The following TENM2 variants were observed in gnomAD, a reference collection of about 807,000 sequenced individuals.
TENM2 encodes teneurin transmembrane protein 2.
Under a neutral mutation model 245.2 loss-of-function variants are expected in TENM2, and 52 were observed. That is an observed-to-expected ratio of 0.21 (90% confidence interval 0.17 to 0.27). The LOEUF (loss-of-function observed/expected upper bound fraction) is 0.27, where lower values mean the gene tolerates loss of function less well. Among genes scored for constraint, TENM2 ranks in the 10% least tolerant of loss-of-function variants. The pLI, the probability that TENM2 is intolerant of heterozygous loss-of-function variation, is 1.00. For synonymous variants in TENM2, 1,363 were observed against 1,438.9 expected, an observed-to-expected ratio of 0.95 and a Z score of 1.19; for missense variants, 3,046 against 3,666.8, an observed-to-expected ratio of 0.83 and a Z score of 4.37.
intron 2 of TENM2, among the ~76,000 whole-genome samples, chr5:167,397,930 CA>C (rs1210340588): frequency 5.9e-5 from 9 of 152,112 alleles, no homozygotes; most frequent in African/African-American, 1.7e-4. Flanking sequence ...TGCCTATGAC[CA>C]TAGTCTTGTT....
At chr5:168,161,428 C>T (rs1411498192) in intron 12 of TENM2, among the ~76,000 whole-genome samples, 3 of 152,132 alleles carry the variant, frequency 2.0e-5, no homozygotes, top group Admixed American at 6.5e-5. Context: ...CCCAAGTGCA[C>T]AACTCTGCAA....
intron 2 of TENM2, among the ~76,000 whole-genome samples, chr5:167,588,981 C>A (rs888084022): frequency 6.6e-6 from 1 of 151,986 alleles, no homozygotes; most frequent in Admixed American, 6.6e-5. Context: ...TGGGCGGATC[C>A]CTTAAGGTCA....
At chr5:167,801,006 C>T (rs1487288931) in intron 2 of TENM2, among the ~76,000 whole-genome samples, 1 of 150,454 alleles carries the variant, frequency 6.6e-6, no homozygotes, top group African/African-American at 2.4e-5. Flanking sequence ...AAGAACAACG[C>T]TCTCATTCCA....
chr5:167,222,328 C>T, the TENM2 span, among the ~76,000 whole-genome samples: 2 of 152,146 alleles, frequency 1.3e-5, no homozygotes, highest in South Asian at 2.1e-4. Flanking sequence ...TTATCCAAAA[C>T]GCAATGGTCA....
At chr5:167,034,648 AAAAAAG>A in the TENM2 span, among the ~76,000 whole-genome samples, 1 of 150,490 alleles carries the variant, frequency 6.6e-6, no homozygotes, top group Admixed American at 6.6e-5. Context: ...AAAAAAAAAA[AAAAAAG>A]AAAATATTTT....
chr5:167,668,037 G>C (rs1755686845), intron 2 of TENM2, among the ~76,000 whole-genome samples: 1 of 151,988 alleles, frequency 6.6e-6, no homozygotes, highest in South Asian at 2.1e-4. Context: ...TCTTTCATTG[G>C]CCCTTGATGG....
chr5:168,061,699 A>T (rs1245067788), intron 6 of TENM2, among the ~76,000 whole-genome samples: 1 of 152,158 alleles, frequency 6.6e-6, no homozygotes, highest in Non-Finnish European at 1.5e-5. Context: ...TTTGGTGCCA[A>T]ATTAACATCA....
chr5:167,431,961 G>GTGTATATATATGTA (rs982005904), intron 2 of TENM2, among the ~76,000 whole-genome samples: 1 of 43,602 alleles, frequency 2.3e-5, no homozygotes, highest in African/African-American at 5.1e-5. Context: ...ATATATATAT[G>GTGTATATATATGTA]TATATATATA....
chr5:168,163,725 T>C (rs1187836206), intron 13 of TENM2, among the ~76,000 whole-genome samples: 1 of 152,202 alleles, frequency 6.6e-6, no homozygotes, highest in African/African-American at 2.4e-5. Flanking sequence ...CACCAGGCCA[T>C]CTCTAAATTA....
At chr5:167,638,749 C>T (rs1779373893) in intron 2 of TENM2, among the ~76,000 whole-genome samples, 1 of 152,206 alleles carries the variant, frequency 6.6e-6, no homozygotes, top group Non-Finnish European at 1.5e-5. Flanking sequence ...CACAACTTCT[C>T]ATCACAGGAC....
chr5:167,336,766 G>A (rs1052527551), intron 1 of TENM2, among the ~76,000 whole-genome samples: 2 of 151,634 alleles, frequency 1.3e-5, no homozygotes, highest in African/African-American at 2.4e-5. Flanking sequence ...GCTAATTAGA[G>A]CATTTGGATT....
chr5:168,088,301 C>T (rs1581261779), intron 7 of TENM2: 2 of 152,138 alleles, frequency 1.3e-5, no homozygotes, highest in African/African-American at 2.4e-5. Context: ...TGGACATTTT[C>T]GAGGTTGCTA....
At chr5:167,643,586 A>T (rs1779743685) in intron 2 of TENM2, among the ~76,000 whole-genome samples, 1 of 152,312 alleles carries the variant, frequency 6.6e-6, no homozygotes, top group Non-Finnish European at 1.5e-5. Context: ...GAAGACTAAG[A>T]TCCAGATTCA....
chr5:167,277,908 A>G, the TENM2 span, among the ~76,000 whole-genome samples: 1 of 151,978 alleles, frequency 6.6e-6, no homozygotes, highest in Non-Finnish European at 1.5e-5. Context: ...ACTTTATCCA[A>G]TATTAGTATA....
At chr5:167,024,583 G>T in the TENM2 span, among the ~76,000 whole-genome samples, 4 of 152,160 alleles carry the variant, frequency 2.6e-5, no homozygotes, top group African/African-American at 9.6e-5. Flanking sequence ...GACAGGGGTA[G>T]CAGAATGCAG....
the TENM2 span, among the ~76,000 whole-genome samples, chr5:167,203,257 A>G: frequency 6.6e-6 from 1 of 152,070 alleles, no homozygotes; most frequent in Non-Finnish European, 1.5e-5. Context: ...GCAACTTCCT[A>G]GTCTCCATTC....
the TENM2 span, among the ~76,000 whole-genome samples, chr5:167,183,573 T>C: frequency 4.6e-5 from 7 of 152,334 alleles, no homozygotes; most frequent in Non-Finnish European, 1.0e-4. Flanking sequence ...TTAGGTTTCT[T>C]GTTGTTTACC....
At chr5:167,176,081 T>A in the TENM2 span, among the ~76,000 whole-genome samples, 89 of 152,256 alleles carry the variant, frequency 5.8e-4, no homozygotes, top group African/African-American at 2.1e-3. Flanking sequence ...ATGTGGTGAA[T>A]CTCTAAACAT....
chr5:167,872,324 A>AAGAG (rs1491081024), intron 2 of TENM2, among the ~76,000 whole-genome samples: 1 of 60,488 alleles, frequency 1.7e-5, no homozygotes, highest in African/African-American at 4.5e-5. Flanking sequence ...GAAAGAAAGA[A>AAGAG]AGAAAGAAAG....
Sources: gnomAD v4.1 joint callset for allele counts (sites outside exome capture counted in the v4.1 genomes callset) on GRCh38, gnomAD v4.1.1 for gene constraint, MANE v1.5 for transcripts, NCBI Gene and HGNC (gene_info 2026-07-23, HGNC 2026-07-21) for gene names.